The following GIMAP6 variants were observed in gnomAD, a reference collection of about 807,000 sequenced individuals.
GIMAP6 encodes the protein GTPase IMAP family member 6.
In GIMAP6, 6 loss-of-function variants were observed where a neutral mutation model predicts 9.3. The observed-to-expected ratio is 0.65, with a 90% CI of 0.35 to 1.27. GIMAP6 has a LOEUF of 1.27. Ranked by LOEUF, GIMAP6 falls within the 50% of genes most tolerant of loss-of-function variation. The probability of loss-of-function intolerance (pLI) is 0.03; values close to 1 mark genes in which losing one functional copy is unlikely to be tolerated. For synonymous variants in GIMAP6, 156 were observed against 151.1 expected (o/e 1.03, Z -0.24); for missense variants, 333 against 359.5 (o/e 0.93, Z 0.60).
In GIMAP6 at chr7:150,627,854, T is replaced by C. The variant is rs2116779692; in HGVS notation, c.744A>G (p.Leu248=). ...YTQQNFRLKE[L]QERQVSQGQG... Reference sequence around the variant, plus strand: ...GGCCCTGGCTTACTTGCCTTTCCTGTAGTTCTTTCAGCCGAAAGTTTTGCT... The same window carrying C: ...GGCCCTGGCTTACTTGCCTTTCCTGCAGTTCTTTCAGCCGAAAGTTTTGCT... The change falls in exon 3 of 3, where the codon CTA becomes CTG. Residue 248 remains leucine, a synonymous_variant. Transcript: ENST00000328902. 1 of 1,614,262 alleles carries C rather than the reference T, an allele frequency of 6.2e-7. No homozygotes were observed. Among genetic ancestry groups the C allele is most frequent in the Non-Finnish European group, 8.5e-7 (1 of 1,180,042 alleles).
chr7:150,625,478 T>A lies in GIMAP6; in HGVS notation c.*2241A>T, dbSNP rs112475502. ...TTGGTCAAATGCTTGTGTTTTCTAT[T>A]ATGACATTACTTAAGCTAATAGAGT... On this transcript the variant is annotated 3_prime_UTR_variant, in exon 3 of 3. Transcript: ENST00000328902. 2.6e-5 allele frequency: 4 copies of A among 152,370 alleles called. No homozygotes were observed. The highest frequency in any genetic ancestry group is 9.6e-5 in the African/African-American group (4 of 41,586). 9.4% of individuals were successfully genotyped at this position (152,370 alleles called of 1,614,324 possible). A position where few individuals can be genotyped will look rare whatever the true frequency, so the allele number is the denominator to read the frequency against.
Position 150,628,088 on chromosome 7 carries a change from G to A in GIMAP6, c.510C>T (p.Gly170=), listed in dbSNP as rs145423565. The change falls in exon 3 of 3, where the codon GGC becomes GGT. Residue 170 remains glycine (G), a synonymous_variant. Transcript: ENST00000328902. ...LVFTRKEDLA[G]GSLEDYVRET... ...CTCGCACATAGTCTTCCAGGGAGCCGCCAGCCAGGTCTTCCTTCCGGGTGA... is the reference window on the plus strand; with the variant it reads ...CTCGCACATAGTCTTCCAGGGAGCCACCAGCCAGGTCTTCCTTCCGGGTGA... 8.1e-6 allele frequency: 13 copies of A among 1,613,978 alleles called. No individual in the cohort carries two copies. Among genetic ancestry groups the A allele is most frequent in the African/African-American group, 1.3e-5 (1 of 74,924 alleles).
At position 150,632,359 on chromosome 7, in the gene GIMAP6, T is replaced by C. The variant is rs566550660; in HGVS notation, c.-191A>G. The C allele has an allele frequency of 1.3e-5, 2 of 152,318 alleles. No individual in the cohort carries two copies. Among genetic ancestry groups the C allele is most frequent in the African/African-American group, 4.8e-5 (2 of 41,550 alleles). The allele number at this position is 152,318 out of a possible 1,614,324, so 9.4% of individuals were successfully genotyped here. On this transcript the variant is annotated 5_prime_UTR_variant, in exon 1 of 3. Transcript: ENST00000328902. Reference sequence around the variant, plus strand: ...GAGACCTGCCCTTGAAAGAGCAGTGTCCGCTGGAGATGGAGGAACAGGAAG... The same window carrying C: ...GAGACCTGCCCTTGAAAGAGCAGTGCCCGCTGGAGATGGAGGAACAGGAAG...
chr7:150,627,745 A>G lies in GIMAP6; in HGVS notation c.853T>C (p.Cys285Arg), dbSNP rs1563335894. 1 of 1,613,986 alleles carries G rather than the reference A, an allele frequency of 6.2e-7. No individual in the cohort carries two copies. Among genetic ancestry groups the G allele is most frequent in the Admixed American group, 1.7e-5 (1 of 60,006 alleles). Residue 285 changes from cysteine to arginine, a missense_variant, in exon 3 of 3, where the codon TGC (cysteine) becomes CGC (arginine). By Grantham distance (180) the Cys-to-Arg change is radical. Transcript: ENST00000328902. ...IQKESEEAHR[C>R]LLGKADL The stretch of plus-strand genomic sequence containing the variant: ...CAAAGGTCAGCCTTCCCCAGCAGGC[A>G]TCTGTGGGCTTCCTCAGATTCCTTC...
Position 150,632,323 on chromosome 7 carries a change from G to T in GIMAP6, c.-155C>A, listed in dbSNP as rs1796406164. Reference sequence around the variant, plus strand: ...ATATTTTCAGCAAAATGTTTTCAGAGAGCTGGGCTGGAGACCTGCCCTTGA... The same window carrying T: ...ATATTTTCAGCAAAATGTTTTCAGATAGCTGGGCTGGAGACCTGCCCTTGA... On this transcript the variant is annotated 5_prime_UTR_variant, in exon 1 of 3. Transcript: ENST00000328902. 6.6e-6 allele frequency: 1 copy of T among 152,212 alleles called. No individual in the cohort carries two copies. Among genetic ancestry groups the T allele is most frequent in the African/African-American group, 2.4e-5 (1 of 41,444 alleles). The allele number at this position is 152,212 out of a possible 1,614,324, so 9.4% of individuals were successfully genotyped here. A position where few individuals can be genotyped will look rare whatever the true frequency, so the allele number is the denominator to read the frequency against.
Sources: gnomAD v4.1 joint callset for allele counts on GRCh38, gnomAD v4.1.1 for gene constraint, MANE v1.5 for transcripts, NCBI Gene and HGNC (gene_info 2026-07-23, HGNC 2026-07-21) for gene names.